The following ZAN variants were observed in gnomAD, a reference collection of about 807,000 sequenced individuals.
The protein encoded by ZAN is zonadhesin.
ZAN carries 260 observed loss-of-function variants against 286.2 expected under a neutral mutation model. The ratio of observed to expected loss-of-function variants is 0.91; its 90% CI spans 0.82 to 1.01. The LOEUF is 1.01. Ranked by LOEUF, ZAN falls within the 50% of genes least tolerant of loss-of-function variation. ZAN has a pLI of 0.00. For missense variants in ZAN, 3,410 were observed against 3,639.2 expected (o/e 0.94, Z 1.62); for synonymous variants, 1,368 against 1,417.5 (o/e 0.97, Z 0.79).
chr7:100,769,813 C>G (rs1438106920), intron 27 of ZAN, 67 bp from the exon 28 acceptor site: 1 of 1,426,186 alleles, frequency 7.0e-7, no homozygotes, highest in East Asian at 2.5e-5. Flanking sequence ...TCCCAAAGTG[C>G]TGGGATTATA....
chr7:100,742,648 C>CGCGGTTAGGG (rs1479221966), intron 7 of ZAN, among the ~76,000 whole-genome samples: 1 of 80,658 alleles, frequency 1.2e-5, no homozygotes, highest in Non-Finnish European at 2.6e-5. Context: ...GCGGATCACT[C>CGCGGTTAGGG]GCGGTTAGGG....
intron 27 of ZAN, 65 bp from the exon 28 acceptor site, chr7:100,769,815 G>A: frequency 6.9e-7 from 1 of 1,445,924 alleles, no homozygotes; most frequent in Admixed American, 2.0e-5. Flanking sequence ...CCAAAGTGCT[G>A]GGATTATAGG....
intron 15 of ZAN, among the ~76,000 whole-genome samples, chr7:100,757,919 TA>T (rs76692637): frequency 0.053 from 5,548 of 104,982 alleles, 144 homozygotes; most frequent in Middle Eastern, 0.12. Flanking sequence ...TCCAAAACGT[TA>T]AAAAAAAAAA....
intron 45 of ZAN, among the ~76,000 whole-genome samples, chr7:100,797,085 A>G (rs1165274755): frequency 6.6e-6 from 1 of 152,150 alleles, no homozygotes; most frequent in Non-Finnish European, 1.5e-5. Context: ...GGCTGCAGAA[A>G]GCTATGATCG....
At chr7:100,749,411 AGG>A (rs1562920873) in intron 11 of ZAN, among the ~76,000 whole-genome samples, 1 of 150,276 alleles carries the variant, frequency 6.7e-6, no homozygotes, top group East Asian at 2.0e-4. Context: ...GAGGCCAAGG[AGG>A]GCGGATCACA....
rs1279274154 is a variant in ZAN at position 100,737,700 on chromosome 7, C to T, written c.613+351C>T. ...CAGCCTTGGCGATGGAGTGAGACTC[C>T]GTCTCAAAAAAAAAAAAAGAAGAAT... On this transcript the variant is annotated intron_variant, in intron 6 of 47. Transcript: ENST00000613979. Among the ~76,000 whole-genome samples the T allele has an allele frequency of 6.0e-5, 8 of 134,144 alleles. 2 individuals carry two copies. In the South Asian group the frequency reaches 6.9e-4, roughly 12 times the overall value. The allele number at this position is 134,144 out of a possible 152,430, so 88.0% of individuals were successfully genotyped here.
In ZAN at chr7:100,739,203, G is replaced by A. The variant is rs185152049; in HGVS notation, c.766+590G>A. Among the ~76,000 whole-genome samples the A allele has an allele frequency of 4.0e-4, 54 of 135,008 alleles. 5 individuals carry two copies. Among genetic ancestry groups the A allele is most frequent in the African/African-American group, 1.4e-3 (50 of 37,000 alleles). 88.6% of individuals were successfully genotyped at this position (135,008 alleles called of 152,430 possible). A position where few individuals can be genotyped will look rare whatever the true frequency, so the allele number is the denominator to read the frequency against. On this transcript the variant is annotated intron_variant, in intron 7 of 47. Transcript: ENST00000613979. ...ATTTTTGTATTTTTGGTACAGACAG[G>A]GTTTCACCATGTTGGCCAGGCTGGT...
Position 100,745,740 on chromosome 7 carries a change from G to A in ZAN, c.767-798G>A, listed in dbSNP as rs1200790746. Among the ~76,000 whole-genome samples the A allele has an allele frequency of 2.0e-5, 3 of 150,050 alleles. No homozygotes were observed. The East Asian group carries it at 6.0e-4, about 30-fold the overall frequency. The stretch of plus-strand genomic sequence containing the variant: ...CCATCTCTTAAAAAAAAAAAAATTA[G>A]CTGGGCGGACTCCAGGTCCGCACCT... On this transcript the variant is annotated intron_variant, in intron 7 of 47. Transcript: ENST00000613979.
chr7:100,795,243 G>A lies in ZAN; in HGVS notation c.8173G>A (p.Glu2725Lys). 1 of 1,611,324 alleles carries A rather than the reference G, an allele frequency of 6.2e-7. No homozygotes were observed. The highest frequency in any genetic ancestry group is 8.5e-7 in the Non-Finnish European group (1 of 1,178,820). ...NPCQNDGQCR[E>K]QGATFTCECE... ...CTGTCAGAATGACGGGCAGTGTCGG[G>A]AGCAGGGAGCCACCTTCACCTGCGA... Residue 2725 changes from glutamate (E) to lysine (K), a missense_variant, in exon 45 of 48, where the codon GAG becomes AAG. By Grantham distance (56) the Glu-to-Lys change is moderately conservative (BLOSUM62 1). Transcript: ENST00000613979.
chr7:100,758,262 C>T lies in ZAN; in HGVS notation c.3370C>T (p.Arg1124Trp), dbSNP rs147589227. The T allele has an allele frequency of 0.014, 23,316 of 1,613,346 alleles. 198 individuals are homozygous for T. Among genetic ancestry groups the T allele is most frequent in the Non-Finnish European group, 0.017 (19,990 of 1,179,844 alleles). ...ACATTGCCGCTGCTGGCCCGGCAGT[C>T]GGGTCGAGTGCCAGATCTCTCAGTG... ...TEHCRCWPGSRVECQISQCGT... is the reference protein window; with the variant it reads ...TEHCRCWPGSWVECQISQCGT... The change falls in exon 16 of 48, where the codon CGG becomes TGG. Residue 1124 changes from arginine (R) to tryptophan (W), a missense_variant. Physicochemically the swap from Arg to Trp is moderately radical, Grantham distance 101. Around this residue, in one of 7 missense-constraint regions of ZAN, gnomAD observed 1,042 missense variants for 1,058.0 expected, o/e 0.98. Transcript: ENST00000613979.
intron 19 of ZAN, among the ~76,000 whole-genome samples, chr7:100,761,820 T>C (rs1383131872): frequency 6.6e-6 from 1 of 151,518 alleles, no homozygotes; most frequent in African/African-American, 2.4e-5. Context: ...GTGCCTGTAA[T>C]CCCAGCTACT....
rs377089635 is a variant in ZAN at position 100,734,191 on chromosome 7, T to C, written c.23T>C (p.Leu8Pro). 117 of 1,458,538 alleles carry C rather than the reference T, an allele frequency of 8.0e-5. 19 individuals carry two copies. The Middle Eastern group carries it at 1.9e-3, about 24-fold the overall frequency. The allele number at this position is 1,458,538 out of a possible 1,614,324, so 90.3% of individuals were successfully genotyped here. Residue 8 changes from leucine (L) to proline (P), a missense_variant, in exon 2 of 48, where the codon CTG becomes CCG. By Grantham distance (98) the Leu-to-Pro change is moderately conservative. This residue lies in a region of ZAN where 872 missense variants were observed against 938.9 expected (regional missense o/e 0.93). Coordinates refer to ENST00000613979, the MANE Select transcript of ZAN (RefSeq NM_003386.3). MVPPVWT[L>P]LLLVGAALFR... ...CTCATGGTTCCTCCAGTCTGGACTCTGCTGCTTCTGGTGGGGGCTGCCCTT... is the reference window on the plus strand; with the variant it reads ...CTCATGGTTCCTCCAGTCTGGACTCCGCTGCTTCTGGTGGGGGCTGCCCTT...
At chr7:100,758,413 T>C (rs1809307992) in intron 16 of ZAN, 70 bp downstream of exon 16, 1 of 1,591,342 alleles carries the variant, frequency 6.3e-7, no homozygotes, top group Non-Finnish European at 8.6e-7. Context: ...AGGATCCCAA[T>C]CCCTCGCTTG....
At chr7:100,754,847 A>G (rs28645997) in intron 14 of ZAN, among the ~76,000 whole-genome samples, 89,216 of 151,896 alleles carry the variant, frequency 0.59, 29,205 homozygotes, top group East Asian at 0.96. Context: ...TCGCCCTGTT[A>G]GCCAGGCTGT....
At chr7:100,780,945 A>G in intron 35 of ZAN, among the ~76,000 whole-genome samples, 1 of 152,262 alleles carries the variant, frequency 6.6e-6, no homozygotes, top group African/African-American at 2.4e-5. Context: ...AATTAAAAAA[A>G]CAAAAGACAA....
chr7:100,747,979 A>G (rs1049250877), intron 9 of ZAN, among the ~76,000 whole-genome samples, 158 bp from the exon 10 acceptor site: 2 of 144,778 alleles, frequency 1.4e-5, no homozygotes, highest in Non-Finnish European at 3.1e-5. Context: ...GCAATAGAGC[A>G]AGACTCTGAA....
chr7:100,738,355 C>T (rs1342359857), intron 6 of ZAN, 106 bp from the exon 7 acceptor site: 1 of 1,111,886 alleles, frequency 9.0e-7, no homozygotes. Context: ...GAGTTCGAGG[C>T]CGCAGTGAGC....
At chr7:100,764,881 A>T (rs1809846218) in intron 22 of ZAN, among the ~76,000 whole-genome samples, 1 of 148,156 alleles carries the variant, frequency 6.7e-6, no homozygotes, top group Non-Finnish European at 1.5e-5. Context: ...TCTGTCTTTA[A>T]AAAAAAAAAA....
rs1431510472 is a variant in ZAN, at chr7:100,778,624, A to G, written c.6318-822A>G. The stretch of plus-strand genomic sequence containing the variant: ...AGCAAAAAAGGAAATCTGAGAGAAG[A>G]CGAGGCCGATGGAAGATTGGCCAGA... On this transcript the variant is annotated intron_variant, in intron 34 of 47. Coordinates refer to ENST00000613979, the MANE Select transcript of ZAN (RefSeq NM_003386.3). Among the ~76,000 whole-genome samples, 3 of 151,758 alleles carry G rather than the reference A, an allele frequency of 2.0e-5. No individual in the cohort carries two copies. In the East Asian group the frequency reaches 5.8e-4, roughly 30 times the overall value.
Sources: gnomAD v4.1 joint callset for allele counts (sites outside exome capture counted in the v4.1 genomes callset) on GRCh38, gnomAD v4.1.1 for gene constraint, gnomAD v4.1.1 regional missense constraint, MANE v1.5 for transcripts, NCBI Gene and HGNC (gene_info 2026-07-23, HGNC 2026-07-21) for gene names.